The following MFAP1 variants were observed in gnomAD, a reference collection of about 807,000 sequenced individuals.
The protein encoded by MFAP1 is microfibrillar-associated protein 1.
A neutral mutation model predicts 62.2 loss-of-function variants in MFAP1; 18 were observed. The ratio of observed to expected loss-of-function variants is 0.29; its 90% CI spans 0.20 to 0.43. The LOEUF (loss-of-function observed/expected upper bound fraction) is 0.43, where lower values mean the gene tolerates loss of function less well. Ranked by LOEUF, MFAP1 falls within the 20% of genes least tolerant of loss-of-function variation. The pLI is 1.00. For missense variants in MFAP1, 355 were observed against 559.7 expected (o/e 0.63, Z 3.69); for synonymous variants, 175 against 180.4 (o/e 0.97, Z 0.24).
chr15:43,821,555 C>T (rs1042756570), intron 1 of MFAP1, among the ~76,000 whole-genome samples: 8 of 151,950 alleles, frequency 5.3e-5, no homozygotes, highest in African/African-American at 1.9e-4. Context: ...TATGAGAACT[C>T]GAGTATATTA....
intron 7 of MFAP1, among the ~76,000 whole-genome samples, chr15:43,806,637 G>A (rs1404123709): frequency 6.6e-6 from 1 of 150,798 alleles, no homozygotes; most frequent in Non-Finnish European, 1.5e-5. Context: ...CACTTTGGGA[G>A]GCCAAGGCGG....
At chr15:43,820,791 A>G (rs965231733) in intron 1 of MFAP1, among the ~76,000 whole-genome samples, 7 of 151,984 alleles carry the variant, frequency 4.6e-5, no homozygotes, top group Admixed American at 4.6e-4. Flanking sequence ...ATTTTTTTGT[A>G]CAGACGAGGT....
chr15:43,819,703 T>C (rs1299250503), intron 1 of MFAP1, among the ~76,000 whole-genome samples: 1 of 152,112 alleles, frequency 6.6e-6, no homozygotes. Flanking sequence ...GGCTAATTTG[T>C]GTATTTTTTA....
chr15:43,809,623 A>G, intron 7 of MFAP1, 132 bp downstream of exon 7: 1 of 1,108,890 alleles, frequency 9.0e-7, no homozygotes, highest in Non-Finnish European at 1.3e-6. Flanking sequence ...GTTCAGAAGG[A>G]AAAAGCAAAT....
At position 43,805,290 on chromosome 15, in the gene MFAP1, GGAT is replaced by G; in HGVS notation, c.1138-17_1138-15del. On this transcript the variant is annotated splice_polypyrimidine_tract_variant and intron_variant, in intron 8 of 8. Coordinates refer to ENST00000267812, the MANE Select transcript of MFAP1 (RefSeq NM_005926.3). ...AAAGTTCTTGACCTGAGGGAAGGAT[GGAT>G]GATGAGTTATACCACCAAACAAACC... 4 of 1,594,558 alleles carry G rather than the reference GGAT, an allele frequency of 2.5e-6. No individual in the cohort carries two copies. The highest frequency in any genetic ancestry group is 3.4e-6 in the Non-Finnish European group (4 of 1,166,318).
At position 43,805,081 on chromosome 15, in the gene MFAP1, A is replaced by G. The variant is rs766851583; in HGVS notation, c.*13T>C. On this transcript the variant is annotated 3_prime_UTR_variant, in exon 9 of 9. Coordinates refer to ENST00000267812, the MANE Select transcript of MFAP1 (RefSeq NM_005926.3). ...CCTTGTGTTCCACAGTTGGAAGAAT[A>G]AGCAGTTGGACCCTAGGTAGTTTTC... is the stretch of plus-strand genomic sequence containing the variant. 2 of 1,557,908 alleles carry G rather than the reference A, an allele frequency of 1.3e-6. No individual in the cohort carries two copies. The highest frequency in any genetic ancestry group is 1.7e-6 in the Non-Finnish European group (2 of 1,144,388).
chr15:43,814,756 C>A, intron 3 of MFAP1, 68 bp from the exon 4 acceptor site: 1 of 1,540,216 alleles, frequency 6.5e-7, no homozygotes. Context: ...TCATCAAACA[C>A]AACAAATTCA....
At position 43,824,627 on chromosome 15, in the gene MFAP1, G is replaced by A. The variant is rs1317871385; in HGVS notation, c.-58C>T. The A allele has an allele frequency of 4.5e-6, 7 of 1,566,240 alleles. No homozygotes were observed. In the Admixed American group the frequency reaches 1.0e-4, roughly 23 times the overall value. On this transcript the variant is annotated 5_prime_UTR_variant, in exon 1 of 9. Transcript: ENST00000267812. ...GACTAATTCCAAACAGTGAACACCA[G>A]CAACGTCAACGAAGAGAAGAAATTC...
intron 4 of MFAP1, among the ~76,000 whole-genome samples, chr15:43,813,723 G>A (rs1310779585): frequency 6.6e-6 from 1 of 151,634 alleles, no homozygotes. Flanking sequence ...TCTTGGCTAG[G>A]CTGGTCTTGA....
intron 6 of MFAP1, 30 bp from the exon 7 acceptor site, chr15:43,809,944 A>G: frequency 6.2e-7 from 1 of 1,613,184 alleles, no homozygotes; most frequent in South Asian, 1.1e-5. Flanking sequence ...ATTTATTGGT[A>G]CTGTTACAGC....
chr15:43,819,127 A>G (rs1198290702), intron 1 of MFAP1, among the ~76,000 whole-genome samples: 1 of 152,196 alleles, frequency 6.6e-6, no homozygotes, highest in Non-Finnish European at 1.5e-5. Context: ...TGGAAGGTGG[A>G]GGTTGCAGTG....
chr15:43,815,923 T>C, intron 2 of MFAP1, among the ~76,000 whole-genome samples: 1 of 152,144 alleles, frequency 6.6e-6, no homozygotes, highest in Admixed American at 6.5e-5. Flanking sequence ...CATGAGTCAC[T>C]GAGCCTGGCC....
intron 2 of MFAP1, 74 bp from the exon 3 acceptor site, chr15:43,815,148 A>G: frequency 6.3e-7 from 1 of 1,581,682 alleles, no homozygotes. Flanking sequence ...TTCCATAGCC[A>G]CAGAGCACAT....
At chr15:43,823,885 C>A (rs977260628) in intron 1 of MFAP1, among the ~76,000 whole-genome samples, 1 of 152,152 alleles carries the variant, frequency 6.6e-6, no homozygotes, top group Non-Finnish European at 1.5e-5. Context: ...ACAGCCTGAG[C>A]CCCAGGAATT....
Position 43,805,116 on chromosome 15 carries a change from G to A in MFAP1, c.1298C>T (p.Ala433Val). 1 of 1,587,814 alleles carries A rather than the reference G, an allele frequency of 6.3e-7. No homozygotes were observed. Among genetic ancestry groups the A allele is most frequent in the Non-Finnish European group, 8.6e-7 (1 of 1,158,902 alleles). The part of the protein sequence containing the change: ...GVRDVFERPS[A>V]KKRKTT Reference sequence around the variant, plus strand: ...ACCCTAGGTAGTTTTCCGCTTCTTGGCAGATGGCCGCTCAAATACATCTCG... The same window carrying A: ...ACCCTAGGTAGTTTTCCGCTTCTTGACAGATGGCCGCTCAAATACATCTCG... Residue 433 changes from alanine to valine, a missense_variant, in exon 9 of 9, where the codon GCC becomes GTC. Ala to Val is a moderately conservative substitution (Grantham distance 64, BLOSUM62 0). Transcript: ENST00000267812.
chr15:43,817,785 A>T (rs535541636), intron 1 of MFAP1, among the ~76,000 whole-genome samples: 2 of 152,326 alleles, frequency 1.3e-5, no homozygotes, highest in African/African-American at 4.8e-5. Flanking sequence ...CACCTCAACT[A>T]TACCCTTAAA....
At position 43,804,887 on chromosome 15, in the gene MFAP1, C is replaced by T. The variant is rs2141703046; in HGVS notation, c.*207G>A. On this transcript the variant is annotated 3_prime_UTR_variant, in exon 9 of 9. Coordinates refer to ENST00000267812, the MANE Select transcript of MFAP1 (RefSeq NM_005926.3). ...TTTAAGTGGGAAGCCTCTAATCCTA[C>T]CTGGACAGTGCTTTCCTGTGGGTTT... 2 of 468,362 alleles carry T rather than the reference C, an allele frequency of 4.3e-6. No individual in the cohort carries two copies. Among genetic ancestry groups the T allele is most frequent in the Non-Finnish European group, 7.5e-6 (2 of 268,334 alleles). The allele number at this position is 468,362 out of a possible 1,614,324, so 29.0% of individuals were successfully genotyped here.
At position 43,822,861 on chromosome 15, in the gene MFAP1, G is replaced by A. The variant is rs202091208; in HGVS notation, c.79+1630C>T. Among the ~76,000 whole-genome samples the A allele has an allele frequency of 4.9e-3, 742 of 151,372 alleles. 8 individuals carry two copies. Among genetic ancestry groups the A allele is most frequent in the African/African-American group, 0.017 (714 of 41,240 alleles). ...TTATTATTATTATTATTTTTGAGAC[G>A]AAGTCTTGCTCTTGTCCCCCAGGCT... On this transcript the variant is annotated intron_variant, in intron 1 of 8. Coordinates refer to ENST00000267812, the MANE Select transcript of MFAP1 (RefSeq NM_005926.3).
intron 2 of MFAP1, 131 bp downstream of exon 2, chr15:43,817,098 T>C: frequency 2.1e-6 from 2 of 939,662 alleles, no homozygotes; most frequent in Non-Finnish European, 3.2e-6. Flanking sequence ...ACCTATTTCA[T>C]AAAGTTATTG....
Sources: gnomAD v4.1 joint callset for allele counts (sites outside exome capture counted in the v4.1 genomes callset) on GRCh38, gnomAD v4.1.1 for gene constraint, MANE v1.5 for transcripts, NCBI Gene and HGNC (gene_info 2026-07-23, HGNC 2026-07-21) for gene names.